OPN1SW: variants seen among roughly 807,000 people sequenced by gnomAD.
OPN1SW encodes short-wave-sensitive opsin 1.
OPN1SW carries 25 observed loss-of-function variants against 31.9 expected under a neutral mutation model. The ratio of observed to expected loss-of-function variants is 0.78; its 90% CI spans 0.57 to 1.09. The LOEUF (loss-of-function observed/expected upper bound fraction) is 1.09, where lower values mean the gene tolerates loss of function less well. Ranked by LOEUF, OPN1SW falls within the 50% of genes least tolerant of loss-of-function variation. The pLI, the probability that OPN1SW is intolerant of heterozygous loss-of-function variation, is 0.00. For missense variants in OPN1SW, 424 were observed against 448.0 expected, an observed-to-expected ratio of 0.95 and a Z score of 0.48; for synonymous variants, 190 against 171.9, an observed-to-expected ratio of 1.11 and a Z score of -0.82.
rs753929816 is a variant in OPN1SW at position 128,775,491 on chromosome 7, G to A, written c.291C>T (p.Phe97=). Reference sequence around the variant, plus strand: ...AAGCACAAACATGGCGACCGAAGACGAAGTATCCGTTACAGCTGGCGACGA... The same window carrying A: ...AAGCACAAACATGGCGACCGAAGACAAAGTATCCGTTACAGCTGGCGACGA... The part of the protein sequence containing the change: ...PVFVASCNGY[F]VFGRHVCALE... The change falls in exon 1 of 5, where the codon TTC becomes TTT. Residue 97 remains phenylalanine (F), a synonymous_variant. Coordinates refer to ENST00000249389, the MANE Select transcript of OPN1SW (RefSeq NM_001385125.1). 19 of 1,613,812 alleles carry A rather than the reference G, an allele frequency of 1.2e-5. No homozygotes were observed. Among genetic ancestry groups the A allele is most frequent in the Admixed American group, 8.3e-5 (5 of 59,988 alleles).
At chr7:128,773,293 T>G (rs1341354989) in intron 4 of OPN1SW, among the ~76,000 whole-genome samples, 1 of 152,198 alleles carries the variant, frequency 6.6e-6, no homozygotes, top group Non-Finnish European at 1.5e-5. Context: ...TTTTTTAATT[T>G]TATTTAAGTT....
rs992042708 is a variant in OPN1SW at position 128,775,750 on chromosome 7, T to A, written c.32A>T (p.Asn11Ile). MSEEEFYLFK[N>I]ISSVGPWDGP... Reference sequence around the variant, plus strand: ...ATCCCACGGCCCCACTGAAGAGATATTTTTGAACAGATAAAACTCTTCCTC... The same window carrying A: ...ATCCCACGGCCCCACTGAAGAGATAATTTTGAACAGATAAAACTCTTCCTC... The change falls in exon 1 of 5, where the codon AAT becomes ATT. Residue 11 changes from asparagine (N) to isoleucine (I), a missense_variant. Asn to Ile is a moderately radical substitution (Grantham distance 149). Transcript: ENST00000249389. 2 of 1,614,172 alleles carry A rather than the reference T, an allele frequency of 1.2e-6. No homozygotes were observed. The highest frequency in any genetic ancestry group is 1.7e-6 in the Non-Finnish European group (2 of 1,180,034).
rs769538354 is a variant in OPN1SW, at chr7:128,773,862, A to C, written c.705T>G (p.Ala235=). The C allele has an allele frequency of 5.6e-6, 9 of 1,612,074 alleles. No homozygotes were observed. Among genetic ancestry groups the C allele is most frequent in the Admixed American group, 1.7e-5 (1 of 59,956 alleles). ...CCTCCCGTTCAGCCTTCTGGGTCGTAGCTGACTCCTGCTGCTGAGCTGCAA... is the reference window on the plus strand; with the variant it reads ...CCTCCCGTTCAGCCTTCTGGGTCGTCGCTGACTCCTGCTGCTGAGCTGCAA... The part of the protein sequence containing the change: ...KAVAAQQQES[A]TTQKAEREVS... Residue 235 remains alanine (A), a synonymous_variant, in exon 4 of 5, where the codon GCT becomes GCG. Transcript: ENST00000249389.
chr7:128,773,943 C>CTTTTTTTT (rs539944204), intron 3 of OPN1SW, 55 bp from the exon 4 acceptor site: 7 of 1,378,980 alleles, frequency 5.1e-6, no homozygotes, highest in East Asian at 2.5e-5. Context: ...CCTCTGGATG[C>CTTTTTTTT]TTTTTTTTTT....
At position 128,773,515 on chromosome 7, in the gene OPN1SW, CT is replaced by C. The variant is rs977986919; in HGVS notation, c.918+133del. On this transcript the variant is annotated intron_variant, in intron 4 of 4. Transcript: ENST00000249389. ...CTGTGCTTACCAAAGGCTTCCCAAC[CT>C]ACTCGGGGGTTTTGTGGCTTCCCTC... 17 of 1,210,398 alleles carry C rather than the reference CT, an allele frequency of 1.4e-5. No individual in the cohort carries two copies. In the Admixed American group the frequency reaches 1.7e-4, roughly 12 times the overall value. 75.0% of individuals were successfully genotyped at this position (1,210,398 alleles called of 1,614,324 possible).
At chr7:128,774,409 C>T (rs1801708534) in intron 3 of OPN1SW, 89 bp downstream of exon 3, 1 of 1,539,732 alleles carries the variant, frequency 6.5e-7, no homozygotes. Flanking sequence ...TGGCTATGGA[C>T]ATTTCCAGGC....
chr7:128,775,090 G>A lies in OPN1SW; in HGVS notation c.408C>T (p.Pro136=). ...AFERYIVICK[P]FGNFRFSSKH... is the part of the protein sequence containing the mutation. ...TGGAGCTGAAGCGGAAGTTGCCGAA[G>A]GGCTTACAGATGACAATGTAGCGCT... The change falls in exon 2 of 5, where the codon CCC becomes CCT. Residue 136 remains proline (P), a synonymous_variant. Transcript: ENST00000249389. 6.2e-7 allele frequency: 1 copy of A among 1,614,194 alleles called. No individual in the cohort carries two copies. The highest frequency in any genetic ancestry group is 8.5e-7 in the Non-Finnish European group (1 of 1,180,038).
Position 128,775,481 on chromosome 7 carries a change from G to C in OPN1SW, c.301C>G (p.Arg101Gly), listed in dbSNP as rs149847165. The change falls in exon 1 of 5, where the codon CGC (arginine) becomes GGC (glycine). Residue 101 changes from arginine to glycine, a missense_variant. By Grantham distance (125) the Arg-to-Gly change is moderately radical. Coordinates refer to ENST00000249389, the MANE Select transcript of OPN1SW (RefSeq NM_001385125.1). ...ASCNGYFVFG[R>G]HVCALEGFLG... Reference sequence around the variant, plus strand: ...AAGCCCTCCAAAGCACAAACATGGCGACCGAAGACGAAGTATCCGTTACAG... The same window carrying C: ...AAGCCCTCCAAAGCACAAACATGGCCACCGAAGACGAAGTATCCGTTACAG... 401 of 1,613,792 alleles carry C rather than the reference G, an allele frequency of 2.5e-4. 8 individuals carry two copies. The Admixed American group carries it at 6.4e-3, about 26-fold the overall frequency.
intron 2 of OPN1SW, 103 bp downstream of exon 2, chr7:128,774,883 T>A (rs780789936): frequency 2.0e-6 from 3 of 1,506,112 alleles, no homozygotes; most frequent in Admixed American, 3.6e-5. Flanking sequence ...TGCAACTCTT[T>A]AAAAGTAGAG....
At position 128,775,754 on chromosome 7, in the gene OPN1SW, T is replaced by C. The variant is rs1282927958; in HGVS notation, c.28A>G (p.Lys10Glu). The change falls in exon 1 of 5, where the codon AAA (lysine) becomes GAA (glutamate). Residue 10 changes from lysine (K) to glutamate (E), a missense_variant. By Grantham distance (56) the Lys-to-Glu change is moderately conservative. Transcript: ENST00000249389. The part of the protein sequence containing the change: MSEEEFYLF[K>E]NISSVGPWDG... ...CACGGCCCCACTGAAGAGATATTTT[T>C]GAACAGATAAAACTCTTCCTCCGAC... 6.2e-7 allele frequency: 1 copy of C among 1,614,038 alleles called. No homozygotes were observed. Among genetic ancestry groups the C allele is most frequent in the Non-Finnish European group, 8.5e-7 (1 of 1,180,034 alleles).
chr7:128,775,742 A>C lies in OPN1SW; in HGVS notation c.40T>G (p.Ser14Ala). Residue 14 changes from serine to alanine, a missense_variant, in exon 1 of 5, where the codon TCA becomes GCA. Ser to Ala is a moderately conservative substitution (Grantham distance 99). Transcript: ENST00000249389. ...EEFYLFKNIS[S>A]VGPWDGPQYH... is the part of the protein sequence containing the mutation. ...TGAGGCCCATCCCACGGCCCCACTG[A>C]AGAGATATTTTTGAACAGATAAAAC... is the stretch of plus-strand genomic sequence containing the variant. 3.7e-6 allele frequency: 6 copies of C among 1,614,104 alleles called. No individual in the cohort carries two copies. The highest frequency in any genetic ancestry group is 5.1e-6 in the Non-Finnish European group (6 of 1,180,016).
intron 3 of OPN1SW, 55 bp from the exon 4 acceptor site, chr7:128,773,943 C>CT (rs539944204): frequency 0.14 from 187,460 of 1,367,514 alleles, 2,041 homozygotes; most frequent in East Asian, 0.24. Flanking sequence ...CCTCTGGATG[C>CT]TTTTTTTTTT....
chr7:128,774,382 C>CT, intron 3 of OPN1SW, 116 bp downstream of exon 3: 1 of 1,392,976 alleles, frequency 7.2e-7, no homozygotes, highest in Admixed American at 1.7e-5. Context: ...TCCTTTGCTG[C>CT]TTTTAGATAC....
rs1801688159 is a variant in OPN1SW, at chr7:128,773,759, C to T, written c.808G>A (p.Val270Ile). Reference sequence around the variant, plus strand: ...TCCAGCCCATGGTTACGGTTGTTGACCATGTACATGGCGAAGGCCGCGTAG... The same window carrying T: ...TCCAGCCCATGGTTACGGTTGTTGATCATGTACATGGCGAAGGCCGCGTAG... ...VPYAAFAMYM[V>I]NNRNHGLDLR... Residue 270 changes from valine (V) to isoleucine (I), a missense_variant, in exon 4 of 5, where the codon GTC (valine) becomes ATC (isoleucine). Coordinates refer to ENST00000249389, the MANE Select transcript of OPN1SW (RefSeq NM_001385125.1). 6.2e-7 allele frequency: 1 copy of T among 1,614,184 alleles called. No individual in the cohort carries two copies. The highest frequency in any genetic ancestry group is 8.5e-7 in the Non-Finnish European group (1 of 1,180,026).
intron 2 of OPN1SW, 55 bp downstream of exon 2, chr7:128,774,931 A>G: frequency 6.2e-7 from 1 of 1,607,358 alleles, no homozygotes; most frequent in Non-Finnish European, 8.5e-7. Flanking sequence ...CTCTCTTTCC[A>G]CCCACATCAA....
At chr7:128,774,921 C>G (rs1296395403) in intron 2 of OPN1SW, 65 bp downstream of exon 2, 2 of 1,600,598 alleles carry the variant, frequency 1.2e-6, no homozygotes, top group Non-Finnish European at 1.7e-6. Context: ...TATACCCAAG[C>G]TCTCTTTCCA....
intron 3 of OPN1SW, 27 bp from the exon 4 acceptor site, chr7:128,773,915 ATCTC>A: frequency 6.3e-7 from 1 of 1,591,746 alleles, no homozygotes; most frequent in Non-Finnish European, 8.5e-7. Context: ...AAAGCATCAC[ATCTC>A]TCTTTTTCCT....
chr7:128,775,412 C>T (rs1371934789), intron 1 of OPN1SW, 27 bp downstream of exon 1: 14 of 1,601,426 alleles, frequency 8.7e-6, no homozygotes, highest in Non-Finnish European at 1.2e-5. Flanking sequence ...CTTTGCCTTC[C>T]CCTAACCCCT....
chr7:128,775,006 T>A lies in OPN1SW; in HGVS notation c.492A>T (p.Pro164=). The A allele has an allele frequency of 6.2e-7, 1 of 1,613,908 alleles. No individual in the cohort carries two copies. Among genetic ancestry groups the A allele is most frequent in the Non-Finnish European group, 8.5e-7 (1 of 1,179,976 alleles). The part of the protein sequence containing the change: ...TWTIGIGVSI[P]PFFGWSRFIP... ...CTCACCGGCTCCAGCCAAAGAAGGGTGGGATGGAGACGCCAATACCAATGG... is the reference window on the plus strand; with the variant it reads ...CTCACCGGCTCCAGCCAAAGAAGGGAGGGATGGAGACGCCAATACCAATGG... The change falls in exon 2 of 5, where the codon CCA becomes CCT. Residue 164 remains proline, a synonymous_variant. Transcript: ENST00000249389.
Sources: gnomAD v4.1 joint callset for allele counts (sites outside exome capture counted in the v4.1 genomes callset) on GRCh38, gnomAD v4.1.1 for gene constraint, MANE v1.5 for transcripts, NCBI Gene and HGNC (gene_info 2026-07-23, HGNC 2026-07-21) for gene names.